ADCY9: variants seen among roughly 807,000 people sequenced by gnomAD.
ADCY9 encodes adenylate cyclase 9, also known as adenylate cyclase type 9.
In ADCY9, 50 loss-of-function variants were observed where a neutral mutation model predicts 101.5. That is an observed-to-expected ratio of 0.49 (90% CI 0.39 to 0.62). ADCY9 has a LOEUF of 0.62. Ranked by LOEUF, ADCY9 falls within the 20% of genes least tolerant of loss-of-function variation. ADCY9 has a pLI of 0.00. For missense variants in ADCY9, 1,662 were observed against 1,800.4 expected (o/e 0.92, Z 1.39); for synonymous variants, 905 against 769.3 (o/e 1.18, Z -2.92).
chr16:4,066,487 A>T (rs764323056), intron 2 of ADCY9, among the ~76,000 whole-genome samples: 2 of 152,192 alleles, frequency 1.3e-5, no homozygotes, highest in Non-Finnish European at 2.9e-5. Context: ...CTCAGGTTCA[A>T]ACAATCCTCC....
At chr16:4,075,438 C>T (rs1258047876) in intron 2 of ADCY9, among the ~76,000 whole-genome samples, 3 of 152,202 alleles carry the variant, frequency 2.0e-5, no homozygotes, top group African/African-American at 4.8e-5. Flanking sequence ...CGTGCCTGGC[C>T]AGTGCCTAAT....
intron 2 of ADCY9, among the ~76,000 whole-genome samples, chr16:4,041,688 G>C (rs1218235366): frequency 6.7e-6 from 1 of 150,034 alleles, no homozygotes; most frequent in Admixed American, 6.6e-5. Flanking sequence ...AATGGGCAAA[G>C]AAAAAGAAAA....
At chr16:4,020,961 T>C (rs1289629955) in intron 2 of ADCY9, among the ~76,000 whole-genome samples, 1 of 152,180 alleles carries the variant, frequency 6.6e-6, no homozygotes, top group Non-Finnish European at 1.5e-5. Flanking sequence ...TGGGATGAGA[T>C]ACTGGTTCAC....
intron 2 of ADCY9, among the ~76,000 whole-genome samples, chr16:4,097,553 A>ATTTTTTTTTTTT (rs35732229): frequency 1.9e-5 from 1 of 53,402 alleles, no homozygotes; most frequent in African/African-American, 8.6e-5. Flanking sequence ...ATATATATAT[A>ATTTTTTTTTTTT]TTTTTTTTTT....
intron 6 of ADCY9, among the ~76,000 whole-genome samples, chr16:3,987,126 G>T (rs2056199801): frequency 6.6e-6 from 1 of 152,170 alleles, no homozygotes; most frequent in Non-Finnish European, 1.5e-5. Context: ...TTAATTCCTA[G>T]TCCCCCCACT....
At chr16:4,043,362 G>C (rs995942625) in intron 2 of ADCY9, among the ~76,000 whole-genome samples, 1 of 151,630 alleles carries the variant, frequency 6.6e-6, no homozygotes, top group Admixed American at 6.6e-5. Flanking sequence ...ATCAGAAGCG[G>C]TTCCCTCGTT....
At chr16:3,973,353 G>A (rs925064491) in intron 10 of ADCY9, among the ~76,000 whole-genome samples, 1 of 152,098 alleles carries the variant, frequency 6.6e-6, no homozygotes, top group Non-Finnish European at 1.5e-5. Flanking sequence ...GATTACAGGT[G>A]CCCACCACCA....
chr16:3,981,016 G>A (rs2056137803), intron 7 of ADCY9, among the ~76,000 whole-genome samples: 1 of 152,210 alleles, frequency 6.6e-6, no homozygotes, highest in South Asian at 2.1e-4. Flanking sequence ...AAGGGATGGG[G>A]TGCCCGTATA....
intron 2 of ADCY9, among the ~76,000 whole-genome samples, chr16:4,094,340 G>A (rs111234533): frequency 2.0e-5 from 3 of 152,128 alleles, no homozygotes; most frequent in Admixed American, 2.0e-4. Context: ...ATTCTCACTC[G>A]GGTCAGAGGG....
chr16:3,991,318 C>G (rs535038818), intron 5 of ADCY9, among the ~76,000 whole-genome samples: 25 of 152,294 alleles, frequency 1.6e-4, no homozygotes, highest in Non-Finnish European at 3.1e-4. Context: ...TAATGAGGAA[C>G]AGACGGGCAC....
intron 10 of ADCY9, among the ~76,000 whole-genome samples, chr16:3,971,022 A>T (rs1162453050): frequency 6.6e-6 from 1 of 152,068 alleles, no homozygotes; most frequent in Non-Finnish European, 1.5e-5. Flanking sequence ...CCATTCCTTG[A>T]TAAGAGCGGC....
intron 3 of ADCY9, among the ~76,000 whole-genome samples, chr16:4,002,563 G>A (rs2056338280): frequency 6.6e-6 from 1 of 152,134 alleles, no homozygotes; most frequent in Non-Finnish European, 1.5e-5. Context: ...TGGCCAAGCA[G>A]CCCGGGGTTC....
chr16:4,076,539 G>C (rs1191751135), intron 2 of ADCY9, among the ~76,000 whole-genome samples: 1 of 152,158 alleles, frequency 6.6e-6, no homozygotes, highest in Non-Finnish European at 1.5e-5. Context: ...CACCTCTAAG[G>C]TCTAAGTGGA....
At chr16:3,977,407 T>C in intron 9 of ADCY9, 75 bp downstream of exon 9, 1 of 1,501,606 alleles carries the variant, frequency 6.7e-7, no homozygotes, top group Non-Finnish European at 9.0e-7. Context: ...AATGTGCAAA[T>C]GCAGCCAGGC....
chr16:3,961,903 G>C (rs13332171), downstream of ADCY9, among the ~76,000 whole-genome samples: 3,115 of 152,224 alleles, frequency 0.02, 98 homozygotes, highest in African/African-American at 0.071. Context: ...GTATATGCCT[G>C]TAATCCCAGC....
intron 7 of ADCY9, chr16:3,982,311 T>C (rs1401800638): frequency 1.3e-5 from 2 of 152,278 alleles, no homozygotes; most frequent in African/African-American, 2.4e-5. Flanking sequence ...CCCTGGGATG[T>C]TGGATAAGGG....
intron 2 of ADCY9, among the ~76,000 whole-genome samples, chr16:4,037,721 C>T (rs2056599086): frequency 6.6e-6 from 1 of 152,176 alleles, no homozygotes; most frequent in South Asian, 2.1e-4. Flanking sequence ...ATGAGTGATG[C>T]TGAGCATTTT....
At chr16:3,956,203 G>T (rs2055905429) in intron 5 of ADCY9, among the ~76,000 whole-genome samples, 1 of 152,010 alleles carries the variant, frequency 6.6e-6, no homozygotes. Flanking sequence ...CCCAGGCAAA[G>T]TCATATTTTT....
At chr16:3,959,697 C>T (rs1389558151), downstream of ADCY9, among the ~76,000 whole-genome samples, 2 of 152,126 alleles carry the variant, frequency 1.3e-5, no homozygotes, top group Non-Finnish European at 2.9e-5. Context: ...AGATAACTCA[C>T]ACATTAAATT....
Sources: gnomAD v4.1 joint callset for allele counts (sites outside exome capture counted in the v4.1 genomes callset) on GRCh38, gnomAD v4.1.1 for gene constraint, MANE v1.5 for transcripts, NCBI Gene and HGNC (gene_info 2026-07-23, HGNC 2026-07-21) for gene names.